UBE2E2: variants seen among roughly 807,000 people sequenced by gnomAD.
UBE2E2 encodes the protein ubiquitin-conjugating enzyme E2 E2.
In UBE2E2, 6 loss-of-function variants were observed where a neutral mutation model predicts 24.7. The ratio of observed to expected loss-of-function variants is 0.24; its 90% CI spans 0.13 to 0.48. UBE2E2 has a LOEUF of 0.48. UBE2E2 is among the 20% of genes least tolerant of loss of function. The pLI, the probability that UBE2E2 is intolerant of heterozygous loss-of-function variation, is 0.99. For synonymous variants in UBE2E2, 104 were observed against 83.6 expected (o/e 1.24, Z -1.33); for missense variants, 169 against 245.0 (o/e 0.69, Z 2.07).
intron 3 of UBE2E2, among the ~76,000 whole-genome samples, chr3:23,349,643 T>C (rs1226181215): frequency 1.3e-5 from 2 of 152,122 alleles, no homozygotes; most frequent in African/African-American, 4.8e-5. Flanking sequence ...AGCACAGCAG[T>C]CTGAGATCAA....
At chr3:23,203,565 C>G in intron 1 of UBE2E2, 101 bp downstream of exon 1, 1 of 712,352 alleles carries the variant, frequency 1.4e-6, no homozygotes, top group Non-Finnish European at 1.7e-6. Context: ...TCGCAGGTCT[C>G]TGCTTACACC....
chr3:23,524,145 T>C (rs185870342), intron 4 of UBE2E2, among the ~76,000 whole-genome samples: 2 of 152,310 alleles, frequency 1.3e-5, no homozygotes, highest in Admixed American at 6.5e-5. Flanking sequence ...TCAGAATTAG[T>C]TTTTCATCTT....
chr3:23,502,808 T>G (rs938665923), intron 4 of UBE2E2, among the ~76,000 whole-genome samples: 2 of 152,230 alleles, frequency 1.3e-5, no homozygotes, highest in African/African-American at 4.8e-5. Context: ...ATTGAATTTC[T>G]TATATGTTTA....
chr3:23,281,614 G>A (rs967351895), intron 3 of UBE2E2, among the ~76,000 whole-genome samples: 1 of 152,156 alleles, frequency 6.6e-6, no homozygotes, highest in African/African-American at 2.4e-5. Context: ...TTCCAGCCTG[G>A]GTGACATAGC....
rs1267103132 is a variant in UBE2E2, at chr3:23,584,742, T to G, written c.509-4992T>G. The stretch of plus-strand genomic sequence containing the variant: ...CTGTTTTTTGTTTTTTTTTTTTTTT[T>G]TTTTTTTTTGTAGAGATGGGTTCTC... On this transcript the variant is annotated intron_variant, in intron 5 of 5. Transcript: ENST00000396703. Among the ~76,000 whole-genome samples, 61 of 147,854 alleles carry G rather than the reference T, an allele frequency of 4.1e-4. 1 individual carries two copies. Among genetic ancestry groups the G allele is most frequent in the African/African-American group, 1.4e-3 (58 of 40,128 alleles).
intron 4 of UBE2E2, among the ~76,000 whole-genome samples, chr3:23,511,548 G>C (rs540173908): frequency 6.6e-6 from 1 of 152,294 alleles, no homozygotes; most frequent in African/African-American, 2.4e-5. Flanking sequence ...AGCAGACACA[G>C]ATTTGGGTGT....
intron 3 of UBE2E2, among the ~76,000 whole-genome samples, chr3:23,358,848 C>T (rs1277340573): frequency 6.6e-6 from 1 of 152,160 alleles, no homozygotes; most frequent in Non-Finnish European, 1.5e-5. Context: ...GGCATTGTTA[C>T]CTATTTATTA....
At chr3:23,479,375 A>G (rs1421721676) in intron 3 of UBE2E2, among the ~76,000 whole-genome samples, 1 of 152,186 alleles carries the variant, frequency 6.6e-6, no homozygotes, top group Non-Finnish European at 1.5e-5. Flanking sequence ...CATCTGAACA[A>G]TGCATCTGAA....
At position 23,569,856 on chromosome 3, in the gene UBE2E2, A is replaced by T. The variant is rs185512773; in HGVS notation, c.509-19878A>T. Among the ~76,000 whole-genome samples, 22 of 152,278 alleles carry T rather than the reference A, an allele frequency of 1.4e-4. No individual in the cohort carries two copies. In the South Asian group the frequency reaches 2.1e-3, roughly 14 times the overall value. ...TTTAAGTTTTTAAAAATATTTTATCAAGTATATACAGCCATTGTATTTTTA... is the reference window on the plus strand; with the variant it reads ...TTTAAGTTTTTAAAAATATTTTATCTAGTATATACAGCCATTGTATTTTTA... On this transcript the variant is annotated intron_variant, in intron 5 of 5. Transcript: ENST00000396703.
intron 3 of UBE2E2, among the ~76,000 whole-genome samples, chr3:23,297,653 T>G (rs1698949505): frequency 6.6e-6 from 1 of 152,190 alleles, no homozygotes; most frequent in African/African-American, 2.4e-5. Context: ...TATATCTCTG[T>G]TTTGGTACCA....
intron 3 of UBE2E2, among the ~76,000 whole-genome samples, chr3:23,417,627 C>T (rs1169766378): frequency 2.0e-5 from 3 of 152,190 alleles, no homozygotes; most frequent in African/African-American, 7.2e-5. Flanking sequence ...CAGGCAGGAA[C>T]ATTTAAGTCT....
At chr3:23,228,530 C>T (rs1173561587) in intron 3 of UBE2E2, among the ~76,000 whole-genome samples, 5 of 151,998 alleles carry the variant, frequency 3.3e-5, no homozygotes, top group South Asian at 2.1e-4. Flanking sequence ...AATTTCTTTA[C>T]GGTGATTATT....
intron 4 of UBE2E2, among the ~76,000 whole-genome samples, chr3:23,506,362 CA>C (rs1470375469): frequency 6.6e-6 from 1 of 152,190 alleles, no homozygotes; most frequent in Non-Finnish European, 1.5e-5. Context: ...TCAGCCAGAC[CA>C]GCTCCTCTAG....
chr3:23,292,374 T>G (rs1225586476), intron 3 of UBE2E2, among the ~76,000 whole-genome samples: 1 of 152,332 alleles, frequency 6.6e-6, no homozygotes, highest in East Asian at 1.9e-4. Context: ...TGTACCTTTC[T>G]GCAGACATAC....
At chr3:23,380,513 C>T (rs1372365989) in intron 3 of UBE2E2, among the ~76,000 whole-genome samples, 15 of 152,190 alleles carry the variant, frequency 9.9e-5, no homozygotes, top group Non-Finnish European at 8.8e-5. Flanking sequence ...CGTGAGCCAC[C>T]GGTGCCCAGC....
chr3:23,499,216 G>A (rs1049854719), intron 3 of UBE2E2, among the ~76,000 whole-genome samples: 1 of 152,180 alleles, frequency 6.6e-6, no homozygotes, highest in African/African-American at 2.4e-5. Context: ...AACCTCCTTT[G>A]TGTTCTCAGT....
chr3:23,496,496 T>C (rs1699605885), intron 3 of UBE2E2, among the ~76,000 whole-genome samples: 1 of 152,216 alleles, frequency 6.6e-6, no homozygotes, highest in African/African-American at 2.4e-5. Flanking sequence ...CAGTAGTATA[T>C]GTCCCTGTTT....
intron 3 of UBE2E2, among the ~76,000 whole-genome samples, chr3:23,463,565 T>G (rs1698857568): frequency 6.6e-6 from 1 of 152,104 alleles, no homozygotes; most frequent in African/African-American, 2.4e-5. Context: ...ACCTGACTTC[T>G]TGGGTTCCCA....
At chr3:23,290,315 T>G (rs1698730079) in intron 3 of UBE2E2, among the ~76,000 whole-genome samples, 1 of 152,194 alleles carries the variant, frequency 6.6e-6, no homozygotes, top group Admixed American at 6.5e-5. Context: ...GTCCAAGGCT[T>G]GCCCTCTCTG....
Sources: gnomAD v4.1 joint callset for allele counts (sites outside exome capture counted in the v4.1 genomes callset) on GRCh38, gnomAD v4.1.1 for gene constraint, MANE v1.5 for transcripts, NCBI Gene and HGNC (gene_info 2026-07-23, HGNC 2026-07-21) for gene names.